The following NTNG1 variants were observed in gnomAD, a reference collection of about 807,000 sequenced individuals.
NTNG1 encodes netrin-G1.
NTNG1 carries 16 observed loss-of-function variants against 54.0 expected under a neutral mutation model. The observed-to-expected ratio is 0.30, with a 90% CI of 0.20 to 0.45. The LOEUF (loss-of-function observed/expected upper bound fraction) is 0.45, where lower values mean the gene tolerates loss of function less well. NTNG1 is among the 20% of genes least tolerant of loss of function. The pLI is 1.00. For synonymous variants in NTNG1, 255 were observed against 263.1 expected (o/e 0.97, Z 0.30); for missense variants, 530 against 678.7 (o/e 0.78, Z 2.43).
chr1:107,230,850 A>C (rs1661021201), intron 2 of NTNG1, among the ~76,000 whole-genome samples: 1 of 152,098 alleles, frequency 6.6e-6, no homozygotes, highest in Non-Finnish European at 1.5e-5. Context: ...ATAATACAGC[A>C]ATAAGATGCA....
intron 2 of NTNG1, among the ~76,000 whole-genome samples, chr1:107,230,258 C>T (rs923711701): frequency 2.0e-5 from 3 of 152,082 alleles, no homozygotes; most frequent in Non-Finnish European, 4.4e-5. Context: ...GGACATCCCT[C>T]GGTGTAAGAG....
At chr1:107,458,007 T>A (rs1023680026) in intron 7 of NTNG1, among the ~76,000 whole-genome samples, 1 of 152,166 alleles carries the variant, frequency 6.6e-6, no homozygotes, top group African/African-American at 2.4e-5. Flanking sequence ...CTGTTTCCCA[T>A]TAAAAGTTGC....
At chr1:107,179,472 C>A (rs1287401073) in intron 2 of NTNG1, among the ~76,000 whole-genome samples, 1 of 151,894 alleles carries the variant, frequency 6.6e-6, no homozygotes, top group Non-Finnish European at 1.5e-5. Context: ...GCATTTATTT[C>A]AATGTATTTT....
At chr1:107,307,246 T>G (rs1411240990) in intron 2 of NTNG1, among the ~76,000 whole-genome samples, 1 of 152,200 alleles carries the variant, frequency 6.6e-6, no homozygotes, top group Admixed American at 6.5e-5. Context: ...ATTCTGTGTA[T>G]TCTATGAAGA....
At chr1:107,378,798 G>A (rs532129292) in intron 3 of NTNG1, among the ~76,000 whole-genome samples, 5 of 152,212 alleles carry the variant, frequency 3.3e-5, no homozygotes, top group African/African-American at 9.6e-5. Flanking sequence ...TCAGTCTGGC[G>A]GGTTGTGGGG....
chr1:107,244,902 C>T (rs1557839588), intron 2 of NTNG1, among the ~76,000 whole-genome samples: 3 of 152,274 alleles, frequency 2.0e-5, no homozygotes, highest in South Asian at 4.1e-4. Context: ...TGCCCCAAGT[C>T]CTGAAAGGGA....
intron 2 of NTNG1, among the ~76,000 whole-genome samples, chr1:107,173,928 A>T (rs1005934391): frequency 1.3e-5 from 2 of 152,076 alleles, no homozygotes; most frequent in African/African-American, 2.4e-5. Context: ...GTGTTACACT[A>T]GTCAACACTA....
intron 7 of NTNG1, among the ~76,000 whole-genome samples, chr1:107,440,902 G>A (rs1675923842): frequency 6.6e-6 from 1 of 151,946 alleles, no homozygotes; most frequent in East Asian, 1.9e-4. Flanking sequence ...TAAACCACTA[G>A]AATGAATGGT....
intron 7 of NTNG1, among the ~76,000 whole-genome samples, chr1:107,446,104 A>G (rs1326080766): frequency 6.6e-6 from 1 of 152,110 alleles, no homozygotes; most frequent in African/African-American, 2.4e-5. Context: ...TAAGAAAAAC[A>G]TACATTTCAT....
intron 5 of NTNG1, 90 bp downstream of exon 5, chr1:107,407,798 G>A: frequency 1.8e-6 from 2 of 1,121,926 alleles, no homozygotes; most frequent in Non-Finnish European, 1.4e-6. Context: ...TTTTCCCAGT[G>A]TCCATTTCTG....
chr1:107,267,350 G>A (rs576681604), intron 2 of NTNG1, among the ~76,000 whole-genome samples: 2 of 152,278 alleles, frequency 1.3e-5, no homozygotes, highest in South Asian at 4.1e-4. Context: ...GCTAATGTGT[G>A]TGTTAGATTT....
intron 7 of NTNG1, among the ~76,000 whole-genome samples, chr1:107,439,419 C>T (rs557072354): frequency 2.0e-5 from 3 of 151,892 alleles, no homozygotes; most frequent in African/African-American, 7.2e-5. Flanking sequence ...GGAGGAAAAT[C>T]GGAATCATCA....
Position 107,480,750 on chromosome 1 carries a change from C to A in NTNG1, c.1530C>A (p.Ser510=), listed in dbSNP as rs1267600585. The A allele has an allele frequency of 1.9e-6, 3 of 1,607,992 alleles. No individual in the cohort carries two copies. The highest frequency in any genetic ancestry group is 2.2e-5 in the South Asian group (2 of 90,220). Residue 510 remains serine (S), a synonymous_variant, in exon 8 of 8, where the codon TCC becomes TCA. Coordinates refer to ENST00000370068, the MANE Select transcript of NTNG1 (RefSeq NM_001113226.3). Reference sequence around the variant, plus strand: ...GCGAGGAGGCTGGCAGCTGCGGCTCCGACTCTGGCCAGGGCGCGCCCCCGC... The same window carrying A: ...GCGAGGAGGCTGGCAGCTGCGGCTCAGACTCTGGCCAGGGCGCGCCCCCGC... ...LRCEEAGSCG[S]DSGQGAPPHG...
At chr1:107,220,976 A>G (rs1485007899) in intron 2 of NTNG1, among the ~76,000 whole-genome samples, 2 of 151,986 alleles carry the variant, frequency 1.3e-5, no homozygotes, top group African/African-American at 2.4e-5. Context: ...ATCAATGGAT[A>G]TTATTATCAA....
At chr1:107,276,864 A>C (rs1280530303) in intron 2 of NTNG1, among the ~76,000 whole-genome samples, 1 of 151,720 alleles carries the variant, frequency 6.6e-6, no homozygotes, top group Non-Finnish European at 1.5e-5. Context: ...TGGGATAAAC[A>C]GTCATTCTTA....
intron 2 of NTNG1, among the ~76,000 whole-genome samples, chr1:107,182,160 A>G (rs1395174028): frequency 6.6e-6 from 1 of 152,156 alleles, no homozygotes; most frequent in African/African-American, 2.4e-5. Context: ...GCATAAATGT[A>G]TTTTATTGAA....
chr1:107,363,279 T>C (rs1027305650), intron 3 of NTNG1, among the ~76,000 whole-genome samples: 4 of 152,146 alleles, frequency 2.6e-5, no homozygotes, highest in Admixed American at 2.0e-4. Flanking sequence ...AATAAAACAG[T>C]GTCTTGCTGT....
intron 3 of NTNG1, among the ~76,000 whole-genome samples, chr1:107,325,577 C>T (rs764872107): frequency 1.3e-5 from 2 of 152,002 alleles, no homozygotes; most frequent in African/African-American, 2.4e-5. Context: ...TAAACACAGT[C>T]AGGGATAGCT....
chr1:107,270,272 C>T (rs1664054482), intron 2 of NTNG1, among the ~76,000 whole-genome samples: 2 of 152,080 alleles, frequency 1.3e-5, no homozygotes, highest in African/African-American at 4.8e-5. Flanking sequence ...TTTATTATTT[C>T]CACAGATAGT....
Sources: allele counts gnomAD v4.1 joint callset (sites outside exome capture counted in the v4.1 genomes callset), GRCh38; gene constraint gnomAD v4.1.1; transcripts MANE v1.5; gene names NCBI Gene and HGNC (gene_info 2026-07-23, HGNC 2026-07-21).